JAKMIP3: variants seen among roughly 807,000 people sequenced by gnomAD.
The protein encoded by JAKMIP3 is janus kinase and microtubule-interacting protein 3.
In JAKMIP3, 58 loss-of-function variants were observed where a neutral mutation model predicts 118.5. The ratio of observed to expected loss-of-function variants is 0.49; its 90% confidence interval spans 0.40 to 0.61. JAKMIP3 has a LOEUF of 0.61. JAKMIP3 is among the 20% of genes least tolerant of loss of function. The pLI, the probability that JAKMIP3 is intolerant of heterozygous loss-of-function variation, is 0.00. For missense variants in JAKMIP3, 950 were observed against 1,109.0 expected (o/e 0.86, Z 2.04); for synonymous variants, 486 against 451.2 (o/e 1.08, Z -0.98).
rs189691256 is a variant in JAKMIP3, at chr10:132,118,840, C to T, written c.633+1266C>T. Among the ~76,000 whole-genome samples, 292 of 152,330 alleles carry T rather than the reference C, an allele frequency of 1.9e-3. 1 individual carries two copies. Among genetic ancestry groups the T allele is most frequent in the African/African-American group, 6.5e-3 (270 of 41,568 alleles). Reference sequence around the variant, plus strand: ...TCATAAGAACCGGGTGCTTTCTTCGCGTGACACGATGCTTGCTTTTCTGTG... The same window carrying T: ...TCATAAGAACCGGGTGCTTTCTTCGTGTGACACGATGCTTGCTTTTCTGTG... On this transcript the variant is annotated intron_variant, in intron 3 of 23. Transcript: ENST00000684848. The surrounding 1 kb of genome is among the most constrained non-coding windows in gnomAD (Gnocchi z 4.8).
chr10:132,040,949 C>T (rs1467152916), intron 1 of JAKMIP3, among the ~76,000 whole-genome samples: 2 of 152,178 alleles, frequency 1.3e-5, no homozygotes, highest in Non-Finnish European at 2.9e-5. Context: ...ATTTTCTGTG[C>T]CTGGCTTATT....
intron 1 of JAKMIP3, among the ~76,000 whole-genome samples, chr10:132,048,948 A>T (rs9419326): frequency 6.6e-6 from 1 of 151,566 alleles, no homozygotes; most frequent in Non-Finnish European, 1.5e-5. Context: ...CCTGGGCTTG[A>T]CTGTTTCTAA....
intron 23 of JAKMIP3, among the ~76,000 whole-genome samples, chr10:132,180,756 T>TGTGTGTGTGCGC: frequency 3.2e-5 from 1 of 31,080 alleles, no homozygotes; most frequent in African/African-American, 1.4e-4. Flanking sequence ...CGCGCGCGTG[T>TGTGTGTGTGCGC]GTGCGTGTGT....
Position 132,117,054 on chromosome 10 carries a change from T to G in JAKMIP3, c.136-23T>G. The G allele has an allele frequency of 6.3e-7, 1 of 1,585,004 alleles. No individual in the cohort carries two copies. The highest frequency in any genetic ancestry group is 8.6e-7 in the Non-Finnish European group (1 of 1,161,772). The stretch of plus-strand genomic sequence containing the variant: ...TGCATGGCTGGAGCTCCTGCCACAC[T>G]CAGTCTCGCTGTTGTCTTTCAGGTC... On this transcript the variant is annotated intron_variant, in intron 2 of 23. Transcript: ENST00000684848. This position sits in a 1 kb window ranked among gnomAD's most constrained non-coding sequence, Gnocchi z 8.6.
intron 10 of JAKMIP3, among the ~76,000 whole-genome samples, chr10:132,141,634 C>T (rs1406652838): frequency 1.3e-5 from 2 of 152,228 alleles, no homozygotes; most frequent in Non-Finnish European, 2.9e-5. Context: ...TGGCCACCAG[C>T]CCAGCAGGCT....
In JAKMIP3 at chr10:132,149,507, G is replaced by A; in HGVS notation, c.1944G>A (p.Val648=). ...PLQVYCEAEG[V]TDIVVAELMK... ...AGGTGTACTGCGAGGCCGAAGGTGT[G>A]ACGGTGAGTCCCGCCCCTCCTGCCC... is the stretch of plus-strand genomic sequence containing the variant. The change falls in exon 15 of 24, where the codon GTG becomes GTA. Residue 648 remains valine, a synonymous_variant. Transcript: ENST00000684848. 6.4e-7 allele frequency: 1 copy of A among 1,561,918 alleles called. No homozygotes were observed.
chr10:132,166,049 C>CGT (rs1344950522), intron 21 of JAKMIP3, among the ~76,000 whole-genome samples: 5 of 152,170 alleles, frequency 3.3e-5, no homozygotes, highest in Non-Finnish European at 1.5e-5. Flanking sequence ...GAGGGCTAGG[C>CGT]GTGGTGGCTC....
chr10:132,132,016 G>A lies in JAKMIP3; in HGVS notation c.634-1296G>A, dbSNP rs144928668. 8.2e-3 allele frequency among the ~76,000 whole-genome samples: 1,243 copies of A among 152,312 alleles called. 23 individuals carry two copies. Among genetic ancestry groups the A allele is most frequent in the African/African-American group, 0.028 (1,148 of 41,550 alleles). ...AGTCTGAGAGTGTAAATGCCAGGCC[G>A]CAGGCACAGCTGCTGATGGACACGC... On this transcript the variant is annotated intron_variant, in intron 3 of 23. Coordinates refer to ENST00000684848, the MANE Select transcript of JAKMIP3 (RefSeq NM_001323087.2).
At position 132,050,342 on chromosome 10, in the gene JAKMIP3, C is replaced by T. The variant is rs576864331; in HGVS notation, c.-138+13604C>T. The stretch of plus-strand genomic sequence containing the variant: ...GCCCTGCCCAGGCACCTCTCTGGCT[C>T]ACCCACGTGGAAAGCAGCTTTCTTC... On this transcript the variant is annotated intron_variant, in intron 1 of 23. Transcript: ENST00000657785. Among the ~76,000 whole-genome samples the T allele has an allele frequency of 3.8e-3, 576 of 152,328 alleles. 9 individuals are homozygous for T. Among genetic ancestry groups the T allele is most frequent in the African/African-American group, 0.013 (537 of 41,574 alleles).
chr10:132,104,167 T>C (rs2045543078), intron 1 of JAKMIP3, among the ~76,000 whole-genome samples: 1 of 152,156 alleles, frequency 6.6e-6, no homozygotes, highest in Non-Finnish European at 1.5e-5. Context: ...CTACCTGGAT[T>C]GTGCTGCTGT....
At chr10:132,174,449 C>T (rs1252305341) in intron 23 of JAKMIP3, among the ~76,000 whole-genome samples, 1 of 152,070 alleles carries the variant, frequency 6.6e-6, no homozygotes, top group Admixed American at 6.5e-5. Context: ...GCTCTGTGGG[C>T]TCCGTGGGTT....
At chr10:132,142,574 C>G (rs2053745917) in intron 11 of JAKMIP3, among the ~76,000 whole-genome samples, 1 of 152,250 alleles carries the variant, frequency 6.6e-6, no homozygotes, top group Non-Finnish European at 1.5e-5. Flanking sequence ...CTCACCTTAG[C>G]GTCGTCCCCC....
chr10:132,125,545 G>A (rs1016500104), intron 3 of JAKMIP3, among the ~76,000 whole-genome samples: 1 of 152,174 alleles, frequency 6.6e-6, no homozygotes, highest in Non-Finnish European at 1.5e-5. Context: ...GATTGTTACC[G>A]CTTTTCTGTA....
At chr10:132,064,126 G>A (rs2038516771), upstream of JAKMIP3, among the ~76,000 whole-genome samples, 1 of 152,192 alleles carries the variant, frequency 6.6e-6, no homozygotes, top group Admixed American at 6.5e-5. The surrounding 1 kb of genome is among the most constrained non-coding windows in gnomAD (Gnocchi z 4.4). Context: ...CCCATCGCTT[G>A]TTAAATCACT....
At chr10:132,061,211 G>A (rs978147342), upstream of JAKMIP3, among the ~76,000 whole-genome samples, 32 of 95,008 alleles carry the variant, frequency 3.4e-4, no homozygotes, top group South Asian at 1.1e-3. Context: ...CACACCTGCC[G>A]TGACGGCGCA....
At chr10:132,152,331 G>A (rs1363687895) in intron 16 of JAKMIP3, among the ~76,000 whole-genome samples, 2 of 152,208 alleles carry the variant, frequency 1.3e-5, no homozygotes, top group Non-Finnish European at 2.9e-5. Context: ...GAGGCCCCAC[G>A]AGCTGGAGTC....
intron 1 of JAKMIP3, among the ~76,000 whole-genome samples, chr10:132,039,543 A>G (rs985487534): frequency 2.0e-5 from 3 of 152,164 alleles, no homozygotes; most frequent in African/African-American, 7.2e-5. Flanking sequence ...TACACGTGCC[A>G]GGACTTCCTG....
At chr10:132,124,093 G>A (rs2049051526) in intron 3 of JAKMIP3, among the ~76,000 whole-genome samples, 1 of 152,250 alleles carries the variant, frequency 6.6e-6, no homozygotes, top group African/African-American at 2.4e-5. Flanking sequence ...AACGTCTACA[G>A]AGAATGGGCT....
chr10:132,054,936 CGCTTGGGG>C (rs2038199027), intron 1 of JAKMIP3, among the ~76,000 whole-genome samples: 3 of 151,186 alleles, frequency 2.0e-5, no homozygotes, highest in East Asian at 2.0e-4. Context: ...GAGGACCCTC[CGCTTGGGG>C]ATAGTGAGAG....
Sources: gnomAD v4.1 joint callset for allele counts (sites outside exome capture counted in the v4.1 genomes callset) on GRCh38, gnomAD v4.1.1 for gene constraint, Gnocchi (gnomAD v3.1) non-coding constraint, MANE v1.5 for transcripts, NCBI Gene and HGNC (gene_info 2026-07-23, HGNC 2026-07-21) for gene names.